Variants in C18orf63 observed in about 807,000 individuals in gnomAD.
C18orf63 encodes chromosome 18 open reading frame 63.
C18orf63 carries 50 observed loss-of-function variants against 75.3 expected under a neutral mutation model. The ratio of observed to expected loss-of-function variants is 0.66; its 90% CI spans 0.53 to 0.84. C18orf63 has a LOEUF of 0.84. Among genes scored for constraint, C18orf63 ranks in the 40% least tolerant of loss-of-function variants. C18orf63 has a pLI of 0.00. For missense variants in C18orf63, 732 were observed against 800.2 expected (o/e 0.91, Z 1.03); for synonymous variants, 232 against 267.6 (o/e 0.87, Z 1.30).
At chr18:74,347,864 C>T (rs1984600009) in intron 11 of C18orf63, among the ~76,000 whole-genome samples, 1 of 152,170 alleles carries the variant, frequency 6.6e-6, no homozygotes, top group Non-Finnish European at 1.5e-5. Context: ...ATGTGCTTCT[C>T]ATCTAGTTTC....
intron 3 of C18orf63, among the ~76,000 whole-genome samples, chr18:74,321,582 G>A (rs1984122672): frequency 6.6e-6 from 1 of 151,994 alleles, no homozygotes; most frequent in Admixed American, 6.6e-5. Flanking sequence ...TTAGATTACA[G>A]GCTTGAGCCA....
chr18:74,343,882 T>A (rs11151948), intron 11 of C18orf63, among the ~76,000 whole-genome samples, 180 bp downstream of exon 11: 77,878 of 149,790 alleles, frequency 0.52, 20,572 homozygotes, highest in Middle Eastern at 0.59. Context: ...TTTGTTATTA[T>A]TATTATATTT....
chr18:74,339,129 A>G (rs979150888), intron 8 of C18orf63, among the ~76,000 whole-genome samples: 43 of 152,226 alleles, frequency 2.8e-4, no homozygotes, highest in African/African-American at 9.6e-4. Flanking sequence ...ATAAAACCTC[A>G]TAAACTTATA....
intron 11 of C18orf63, 101 bp downstream of exon 11, chr18:74,343,803 A>T: frequency 1.6e-6 from 1 of 606,582 alleles, no homozygotes; most frequent in Middle Eastern, 4.5e-4. Flanking sequence ...CGCAGTGTGC[A>T]GTAATTCTTT....
In C18orf63 at chr18:74,356,620, G is replaced by T. The variant is rs1212262421; in HGVS notation, c.*173G>T. On this transcript the variant is annotated 3_prime_UTR_variant, in exon 14 of 14. Transcript: ENST00000579455. ...CTTTTTATTGTTTGCATAGCATCTT[G>T]TTGTATGTGGGTTTCTGTATTTAAC... The T allele has an allele frequency of 1.3e-5, 2 of 152,396 alleles. No homozygotes were observed. Among genetic ancestry groups the T allele is most frequent in the Non-Finnish European group, 2.9e-5 (2 of 68,018 alleles). The allele number at this position is 152,396 out of a possible 1,614,324, so 9.4% of individuals were successfully genotyped here. A position where few individuals can be genotyped will look rare whatever the true frequency, so the allele number is the denominator to read the frequency against.
intron 2 of C18orf63, among the ~76,000 whole-genome samples, chr18:74,319,661 AGTT>A (rs1984086457): frequency 2.0e-5 from 3 of 152,192 alleles, no homozygotes. Flanking sequence ...TTTAGTCAGT[AGTT>A]CTAAATGTTT....
chr18:74,356,458 C>A (rs1038901439), intron 13 of C18orf63, 23 bp from the exon 14 acceptor site: 2 of 152,568 alleles, frequency 1.3e-5, no homozygotes, highest in African/African-American at 4.8e-5. Flanking sequence ...AAGTAAAAAA[C>A]CATCTGTAAT....
At chr18:74,344,801 T>G (rs1230401545) in intron 11 of C18orf63, among the ~76,000 whole-genome samples, 1 of 152,142 alleles carries the variant, frequency 6.6e-6, no homozygotes, top group East Asian at 1.9e-4. Flanking sequence ...GTGATTATGC[T>G]GCAATTTATT....
chr18:74,326,433 A>C (rs1568235485), intron 4 of C18orf63, among the ~76,000 whole-genome samples: 1 of 152,152 alleles, frequency 6.6e-6, no homozygotes, highest in Non-Finnish European at 1.5e-5. Context: ...GCTTCCTCAC[A>C]TGTCTGTGCT....
intron 1 of C18orf63, among the ~76,000 whole-genome samples, chr18:74,316,907 G>T (rs977503081): frequency 2.0e-5 from 3 of 152,208 alleles, no homozygotes. Flanking sequence ...ATACAGTGTT[G>T]CAATCCGTGA....
At chr18:74,350,879 T>G (rs1984655718) in intron 11 of C18orf63, among the ~76,000 whole-genome samples, 1 of 152,154 alleles carries the variant, frequency 6.6e-6, no homozygotes, top group African/African-American at 2.4e-5. Context: ...AAGGTGATGA[T>G]ATTAGGAGGT....
chr18:74,353,511 G>A lies in C18orf63; in HGVS notation c.1244G>A (p.Arg415Lys). The A allele has an allele frequency of 6.5e-7, 1 of 1,536,614 alleles. No homozygotes were observed. Among genetic ancestry groups the A allele is most frequent in the South Asian group, 1.2e-5 (1 of 84,058 alleles). ...QVHSEVLMPN[R>K]GNTQVQHTNL... is the part of the protein sequence containing the mutation. ...CATTCAGAAGTATTAATGCCCAACAGAGGAAATACTCAAGTTCAGCACACA... is the reference window on the plus strand; with the variant it reads ...CATTCAGAAGTATTAATGCCCAACAAAGGAAATACTCAAGTTCAGCACACA... The change falls in exon 12 of 14, where the codon AGA becomes AAA. Residue 415 changes from arginine (R) to lysine (K), a missense_variant. Physicochemically the swap from Arg to Lys is conservative, Grantham distance 26. Around this residue, in one of 3 missense-constraint regions of C18orf63, gnomAD observed 495 missense variants for 508.7 expected, o/e 0.97. Transcript: ENST00000579455.
At position 74,356,662 on chromosome 18, in the gene C18orf63, G is replaced by A. The variant is rs1209260679; in HGVS notation, c.*215G>A. On this transcript the variant is annotated 3_prime_UTR_variant, in exon 14 of 14. Coordinates refer to ENST00000579455, the MANE Select transcript of C18orf63 (RefSeq NM_001174123.2). ...GTATTTAACTAGTCCCCTATTGATA[G>A]ACACTTCAGTTCTTCCCAACTTTTC... 6.6e-6 allele frequency: 1 copy of A among 151,760 alleles called. No homozygotes were observed. Among genetic ancestry groups the A allele is most frequent in the African/African-American group, 2.4e-5 (1 of 41,296 alleles). 9.4% of individuals were successfully genotyped at this position (151,760 alleles called of 1,614,324 possible).
chr18:74,339,473 A>C (rs1402606647), intron 8 of C18orf63, among the ~76,000 whole-genome samples: 1 of 152,118 alleles, frequency 6.6e-6, no homozygotes, highest in Non-Finnish European at 1.5e-5. Context: ...TTTTCTAGTA[A>C]TTCTAGTTGT....
At chr18:74,356,376 A>C (rs1181094628) in intron 13 of C18orf63, 105 bp from the exon 14 acceptor site, 1 of 152,556 alleles carries the variant, frequency 6.6e-6, no homozygotes, top group African/African-American at 2.4e-5. Flanking sequence ...TCATTATAGA[A>C]AATAATTTCC....
At chr18:74,336,988 C>T (rs1984401937) in intron 7 of C18orf63, among the ~76,000 whole-genome samples, 1 of 151,924 alleles carries the variant, frequency 6.6e-6, no homozygotes, top group Admixed American at 6.6e-5. Context: ...ACTATTAAAC[C>T]AGTCTCCATA....
intron 11 of C18orf63, among the ~76,000 whole-genome samples, chr18:74,346,180 T>C (rs1421270): frequency 0.03 from 4,508 of 152,266 alleles, 166 homozygotes; most frequent in East Asian, 0.17. Flanking sequence ...ATTATTTTAA[T>C]ATGTATTTAT....
Position 74,320,592 on chromosome 18 carries a change from G to C in C18orf63, c.213+1G>C. The C allele has an allele frequency of 6.6e-7, 1 of 1,518,258 alleles. No individual in the cohort carries two copies. 94.0% of individuals were successfully genotyped at this position (1,518,258 alleles called of 1,614,324 possible). A position where few individuals can be genotyped will look rare whatever the true frequency, so the allele number is the denominator to read the frequency against. On this transcript the variant is annotated splice_donor_variant, in intron 3 of 13. Transcript: ENST00000579455. LOFTEE classifies it high-confidence loss of function. The stretch of plus-strand genomic sequence containing the variant: ...AAACCAAATCTGGGTGGTGATGGCG[G>C]TTAGTATTTTAATATTTTGTGAAAT...
chr18:74,331,402 T>C (rs1984304061), intron 7 of C18orf63, among the ~76,000 whole-genome samples: 1 of 152,206 alleles, frequency 6.6e-6, no homozygotes, highest in Non-Finnish European at 1.5e-5. Context: ...GTCTTTTATT[T>C]TGTGGATTCC....
Sources: allele counts gnomAD v4.1 joint callset (sites outside exome capture counted in the v4.1 genomes callset), GRCh38; gene constraint gnomAD v4.1.1; regional missense constraint gnomAD v4.1.1; transcripts MANE v1.5; gene names NCBI Gene and HGNC (gene_info 2026-07-23, HGNC 2026-07-21).